Variants in SINHCAF observed in about 807,000 individuals in gnomAD.
SINHCAF encodes SIN3-HDAC complex-associated factor.
In SINHCAF, 3 loss-of-function variants were observed where a neutral mutation model predicts 25.8. The observed-to-expected ratio is 0.12, with a 90% CI of 0.05 to 0.30. The LOEUF (loss-of-function observed/expected upper bound fraction) is 0.30, where lower values mean the gene tolerates loss of function less well. Among genes scored for constraint, SINHCAF ranks in the 10% least tolerant of loss-of-function variants. SINHCAF has a pLI of 1.00. For missense variants in SINHCAF, 121 were observed against 262.3 expected (o/e 0.46, Z 3.72); for synonymous variants, 70 against 85.5 (o/e 0.82, Z 1.00).
intron 1 of SINHCAF, among the ~76,000 whole-genome samples, chr12:31,305,861 G>A (rs1022434878): frequency 7.9e-5 from 12 of 152,026 alleles, no homozygotes; most frequent in Admixed American, 2.0e-4. Context: ...CACGATGCCC[G>A]GCTAATTTTT....
rs572192699 is a variant in SINHCAF at position 31,319,423 on chromosome 12, G to C, written c.-21+6601C>G. 3.9e-5 allele frequency among the ~76,000 whole-genome samples: 6 copies of C among 152,318 alleles called. No homozygotes were observed. In the East Asian group the frequency reaches 7.7e-4, roughly 20 times the overall value. On this transcript the variant is annotated intron_variant, in intron 1 of 5. Coordinates refer to ENST00000337682, the MANE Select transcript of SINHCAF (RefSeq NM_001135812.2). ...TGCGCCTGTAATCCCAGCTACTCAG[G>C]AGGCTGAGGCAGGAGAATTGCCTGA...
chr12:31,299,619 A>G (rs1268487054), intron 1 of SINHCAF, among the ~76,000 whole-genome samples: 1 of 152,206 alleles, frequency 6.6e-6, no homozygotes, highest in Non-Finnish European at 1.5e-5. Flanking sequence ...CCCGGCCAAG[A>G]AAATTATTAA....
chr12:31,284,630 T>C (rs1456306163), intron 5 of SINHCAF, among the ~76,000 whole-genome samples: 1 of 152,156 alleles, frequency 6.6e-6, no homozygotes, highest in East Asian at 1.9e-4. Flanking sequence ...TGGTGTGAGG[T>C]AGGGAACCCA....
At chr12:31,286,113 T>C (rs1056449070) in intron 5 of SINHCAF, among the ~76,000 whole-genome samples, 8 of 152,238 alleles carry the variant, frequency 5.3e-5, no homozygotes, top group Non-Finnish European at 1.0e-4. Flanking sequence ...TAGAACCTTC[T>C]GTATAATGCT....
Position 31,291,192 on chromosome 12 carries a change from T to G in SINHCAF, c.355+2613A>C, listed in dbSNP as rs1220688117. ...AACAAAAATAGGACCTTCAAACACT[T>G]TCTAGGAATTCTCAACCATATTTTA... On this transcript the variant is annotated intron_variant, in intron 4 of 5. Coordinates refer to ENST00000337682, the MANE Select transcript of SINHCAF (RefSeq NM_001135812.2). Among the ~76,000 whole-genome samples the G allele has an allele frequency of 2.6e-5, 4 of 152,148 alleles. No homozygotes were observed. The East Asian group carries it at 5.8e-4, about 22-fold the overall frequency.
intron 1 of SINHCAF, among the ~76,000 whole-genome samples, chr12:31,311,332 G>A (rs1939260267): frequency 6.6e-6 from 1 of 152,180 alleles, no homozygotes; most frequent in Admixed American, 6.5e-5. Flanking sequence ...CTTAGCTTAA[G>A]CAGCTGAAAC....
intron 2 of SINHCAF, among the ~76,000 whole-genome samples, chr12:31,295,955 A>T (rs1246012373): frequency 6.6e-6 from 1 of 150,920 alleles, no homozygotes; most frequent in Non-Finnish European, 1.5e-5. Context: ...CCAAGGTGGG[A>T]AGATCACTTG....
rs562468720 is a variant in SINHCAF at position 31,312,184 on chromosome 12, C to T, written c.-21+13840G>A. Among the ~76,000 whole-genome samples, 5 of 152,284 alleles carry T rather than the reference C, an allele frequency of 3.3e-5. No homozygotes were observed. The South Asian group carries it at 1.0e-3, about 32-fold the overall frequency. On this transcript the variant is annotated intron_variant, in intron 1 of 5. Transcript: ENST00000337682. The stretch of plus-strand genomic sequence containing the variant: ...TACAGAATGTACTCTTTCAGTCTGG[C>T]TTCTTTTGTTCAACATTTGTGAGAT...
At chr12:31,289,820 A>G (rs1394888228) in intron 4 of SINHCAF, among the ~76,000 whole-genome samples, 2 of 145,934 alleles carry the variant, frequency 1.4e-5, no homozygotes, top group African/African-American at 5.1e-5. Flanking sequence ...TTTTTTAATT[A>G]TTTTTATCTT....
chr12:31,295,787 G>A (rs908630240), intron 2 of SINHCAF, among the ~76,000 whole-genome samples: 1 of 151,776 alleles, frequency 6.6e-6, no homozygotes, highest in Non-Finnish European at 1.5e-5. Context: ...CAGGAGAATC[G>A]CTTGAGCCCA....
intron 1 of SINHCAF, among the ~76,000 whole-genome samples, chr12:31,318,228 T>C (rs926917550): frequency 1.3e-5 from 2 of 152,198 alleles, no homozygotes; most frequent in Non-Finnish European, 2.9e-5. Flanking sequence ...TAATGAGACA[T>C]GTTTCATCTG....
intron 5 of SINHCAF, among the ~76,000 whole-genome samples, chr12:31,286,697 T>TA (rs1938094131): frequency 6.6e-6 from 1 of 150,826 alleles, no homozygotes; most frequent in South Asian, 2.1e-4. Context: ...GTCAATGTGG[T>TA]AAATTATATT....
chr12:31,319,951 C>T (rs184554342), intron 1 of SINHCAF, among the ~76,000 whole-genome samples: 236 of 152,278 alleles, frequency 1.5e-3, no homozygotes, highest in Non-Finnish European at 2.8e-3. Context: ...GCCAACTGAG[C>T]TCTTCCTTCA....
chr12:31,289,468 T>C (rs925759980), intron 4 of SINHCAF, among the ~76,000 whole-genome samples: 2 of 152,222 alleles, frequency 1.3e-5, no homozygotes, highest in African/African-American at 4.8e-5. Context: ...TAATAAGGAA[T>C]AAAGGCAGTT....
At chr12:31,310,077 T>A (rs1008045931) in intron 1 of SINHCAF, among the ~76,000 whole-genome samples, 1 of 152,274 alleles carries the variant, frequency 6.6e-6, no homozygotes, top group African/African-American at 2.4e-5. Flanking sequence ...ATTATGGATG[T>A]CGTGGAAATT....
In SINHCAF at chr12:31,324,651, C is replaced by T. The variant is rs1177722112; in HGVS notation, c.-21+1373G>A. On this transcript the variant is annotated intron_variant, in intron 1 of 5. Coordinates refer to ENST00000337682, the MANE Select transcript of SINHCAF (RefSeq NM_001135812.2). This position sits in a 1 kb window ranked among gnomAD's most constrained non-coding sequence, Gnocchi z 5.5. ...GGGGGCCCGCACGGGCACATGCAGC[C>T]CTTTGTTTTCTGTCCAGCCGGGCGC... 9.7e-6 allele frequency: 3 copies of T among 308,826 alleles called. No individual in the cohort carries two copies. In the East Asian group the frequency reaches 2.9e-4, roughly 30 times the overall value. 19.1% of individuals were successfully genotyped at this position (308,826 alleles called of 1,614,324 possible).
chr12:31,280,708 G>T lies in SINHCAF; in HGVS notation c.*2004C>A, dbSNP rs907739637. The T allele has an allele frequency of 6.6e-6, 1 of 152,474 alleles. No individual in the cohort carries two copies. The highest frequency in any genetic ancestry group is 2.4e-5 in the African/African-American group (1 of 41,384). 9.4% of individuals were successfully genotyped at this position (152,474 alleles called of 1,614,324 possible). A position where few individuals can be genotyped will look rare whatever the true frequency, so the allele number is the denominator to read the frequency against. The stretch of plus-strand genomic sequence containing the variant: ...TCTAATATATTAATACAAAGTGCAT[G>T]ACTACATACAGTACATCCTACAGGC... On this transcript the variant is annotated 3_prime_UTR_variant, in exon 6 of 6. Coordinates refer to ENST00000337682, the MANE Select transcript of SINHCAF (RefSeq NM_001135812.2).
intron 4 of SINHCAF, among the ~76,000 whole-genome samples, chr12:31,291,597 C>A (rs1422335740): frequency 6.6e-6 from 1 of 152,160 alleles, no homozygotes; most frequent in Non-Finnish European, 1.5e-5. Context: ...AACTCTGTCT[C>A]TACTAAAAAT....
At chr12:31,283,483 G>A (rs1221187377) in intron 5 of SINHCAF, among the ~76,000 whole-genome samples, 1 of 151,876 alleles carries the variant, frequency 6.6e-6, no homozygotes, top group Non-Finnish European at 1.5e-5. Flanking sequence ...CGTGCCTGTA[G>A]TCCCAGCTAC....
Sources: gnomAD v4.1 joint callset for allele counts (sites outside exome capture counted in the v4.1 genomes callset) on GRCh38, gnomAD v4.1.1 for gene constraint, Gnocchi (gnomAD v3.1) non-coding constraint, MANE v1.5 for transcripts, NCBI Gene and HGNC (gene_info 2026-07-23, HGNC 2026-07-21) for gene names.